Variants in ADARB1 observed in about 807,000 individuals in gnomAD.
The protein encoded by ADARB1 is adenosine deaminase RNA specific B1.
In ADARB1, 10 loss-of-function variants were observed where a neutral mutation model predicts 52.4. The ratio of observed to expected loss-of-function variants is 0.19; its 90% confidence interval spans 0.12 to 0.32. The LOEUF (loss-of-function observed/expected upper bound fraction) is 0.32. Ranked by LOEUF, ADARB1 falls within the 10% of genes least tolerant of loss-of-function variation. The pLI is 1.00. For missense variants in ADARB1, 643 were observed against 922.3 expected (o/e 0.70, Z 3.92); for synonymous variants, 349 against 371.1 (o/e 0.94, Z 0.68).
intron 2 of ADARB1, among the ~76,000 whole-genome samples, chr21:45,148,102 G>A (rs1427929468): frequency 1.3e-5 from 2 of 152,176 alleles, no homozygotes; most frequent in Non-Finnish European, 2.9e-5. Context: ...CTGTGAGAAC[G>A]GAGGCTCTGC....
chr21:45,085,818 G>C (rs370300372), intron 1 of ADARB1, among the ~76,000 whole-genome samples: 1 of 152,196 alleles, frequency 6.6e-6, no homozygotes, highest in Non-Finnish European at 1.5e-5. Context: ...ACACAGAAAA[G>C]GCTGGTGTCA....
chr21:45,222,481 G>C lies in ADARB1; in HGVS notation c.*284G>C, dbSNP rs1477013732. ...CCGTCCAGTGACTGCTTTCAATCTC[G>C]GTTTACGTTTAGAAATTGAGTTCTA... is the stretch of plus-strand genomic sequence containing the variant. On this transcript the variant is annotated 3_prime_UTR_variant, in exon 11 of 11. Coordinates refer to ENST00000348831, the MANE Select transcript of ADARB1 (RefSeq NM_001112.4). 6.7e-6 allele frequency: 8 copies of C among 1,198,340 alleles called. No homozygotes were observed. Among genetic ancestry groups the C allele is most frequent in the Non-Finnish European group, 8.3e-6 (8 of 966,128 alleles). The allele number at this position is 1,198,340 out of a possible 1,614,324, so 74.2% of individuals were successfully genotyped here. A position where few individuals can be genotyped will look rare whatever the true frequency, so the allele number is the denominator to read the frequency against.
intron 8 of ADARB1, among the ~76,000 whole-genome samples, chr21:45,187,094 CTA>C (rs1167481591): frequency 6.6e-6 from 1 of 152,122 alleles, no homozygotes; most frequent in Non-Finnish European, 1.5e-5. Context: ...TATGTTGACT[CTA>C]TAGATTGCTT....
At chr21:45,138,452 T>C (rs999969649) in intron 2 of ADARB1, among the ~76,000 whole-genome samples, 57 of 152,338 alleles carry the variant, frequency 3.7e-4, no homozygotes, top group African/African-American at 1.3e-3. Flanking sequence ...TGAGTATCGC[T>C]GCAGTACAGC....
At chr21:45,102,134 C>T (rs1319877592) in intron 1 of ADARB1, among the ~76,000 whole-genome samples, 1 of 152,166 alleles carries the variant, frequency 6.6e-6, no homozygotes, top group Non-Finnish European at 1.5e-5. Context: ...TCAAGCGATC[C>T]TCCCTCTTCG....
intron 8 of ADARB1, among the ~76,000 whole-genome samples, chr21:45,191,874 ATATATATTTTTTTTTTTTTTTT>A (rs1301781004): frequency 4.5e-5 from 1 of 22,020 alleles, no homozygotes; most frequent in African/African-American, 2.1e-4. Flanking sequence ...ATATATATAT[ATATATATTTTTTTTTTTTTTTT>A]TTTTTTTTTT....
At chr21:45,115,003 G>A (rs758105556) in intron 1 of ADARB1, among the ~76,000 whole-genome samples, 12 of 152,196 alleles carry the variant, frequency 7.9e-5, no homozygotes, top group Non-Finnish European at 1.6e-4. Context: ...TGAAACAACA[G>A]CAAAGTGGCA....
rs998197558 is a variant in ADARB1 at position 45,224,127 on chromosome 21, T to A, written c.*1930T>A. 5 of 985,338 alleles carry A rather than the reference T, an allele frequency of 5.1e-6. No homozygotes were observed. The African/African-American group carries it at 8.7e-5, about 17-fold the overall frequency. The allele number at this position is 985,338 out of a possible 1,614,324, so 61.0% of individuals were successfully genotyped here. A position where few individuals can be genotyped will look rare whatever the true frequency, so the allele number is the denominator to read the frequency against. On this transcript the variant is annotated 3_prime_UTR_variant, in exon 11 of 11. Coordinates refer to ENST00000348831, the MANE Select transcript of ADARB1 (RefSeq NM_001112.4). ...AAACACCTTGTAAGTCTGTGCATTTTTATTGTCTTGATAAATTGTATTTTT... is the reference window on the plus strand; with the variant it reads ...AAACACCTTGTAAGTCTGTGCATTTATATTGTCTTGATAAATTGTATTTTT...
rs1047203074 is a variant in ADARB1 at position 45,224,418 on chromosome 21, C to G, written c.*2221C>G. On this transcript the variant is annotated 3_prime_UTR_variant, in exon 11 of 11. Coordinates refer to ENST00000348831, the MANE Select transcript of ADARB1 (RefSeq NM_001112.4). ...GGGTGGACTCGTGCGGCCTTGAGGACAGGCACAGGGCACCCTATCCCAAGC... is the reference window on the plus strand; with the variant it reads ...GGGTGGACTCGTGCGGCCTTGAGGAGAGGCACAGGGCACCCTATCCCAAGC... The G allele has an allele frequency of 1.1e-6, 1 of 911,996 alleles. No individual in the cohort carries two copies. Among genetic ancestry groups the G allele is most frequent in the African/African-American group, 2.8e-5 (1 of 36,192 alleles). The allele number at this position is 911,996 out of a possible 1,614,324, so 56.5% of individuals were successfully genotyped here.
In ADARB1 at chr21:45,222,785, A is replaced by T. The variant is rs989265315; in HGVS notation, c.*588A>T. The T allele has an allele frequency of 7.1e-6, 7 of 985,488 alleles. No homozygotes were observed. The highest frequency in any genetic ancestry group is 6.1e-5 in the Admixed American group (1 of 16,286). The allele number at this position is 985,488 out of a possible 1,614,324, so 61.0% of individuals were successfully genotyped here. ...GGTACCTCCCTGGGTAGTTCCACACACTAGGTTGTAACAGTCTCTCCCTGA... is the reference window on the plus strand; with the variant it reads ...GGTACCTCCCTGGGTAGTTCCACACTCTAGGTTGTAACAGTCTCTCCCTGA... On this transcript the variant is annotated 3_prime_UTR_variant, in exon 11 of 11. Coordinates refer to ENST00000348831, the MANE Select transcript of ADARB1 (RefSeq NM_001112.4).
At position 45,079,032 on chromosome 21, in the gene ADARB1, C is replaced by T. The variant is rs369439122; in HGVS notation, c.-220+4239C>T. Reference sequence around the variant, plus strand: ...CCTTACTGCAGCTTGCTTTTTGCACCTCCACTACTGCAGACTGGAGGAGGA... The same window carrying T: ...CCTTACTGCAGCTTGCTTTTTGCACTTCCACTACTGCAGACTGGAGGAGGA... On this transcript the variant is annotated intron_variant, in intron 1 of 10. Transcript: ENST00000348831. 2.0e-5 allele frequency among the ~76,000 whole-genome samples: 3 copies of T among 152,120 alleles called. No homozygotes were observed. The East Asian group carries it at 5.8e-4, about 29-fold the overall frequency.
At chr21:45,161,075 A>G (rs926303518) in intron 2 of ADARB1, among the ~76,000 whole-genome samples, 40 of 152,198 alleles carry the variant, frequency 2.6e-4, no homozygotes, top group African/African-American at 9.4e-4. Flanking sequence ...GTTTTAGTCA[A>G]TATCAGTTTT....
chr21:45,131,482 G>A (rs1375396988), intron 2 of ADARB1, among the ~76,000 whole-genome samples: 3 of 152,194 alleles, frequency 2.0e-5, no homozygotes, highest in African/African-American at 4.8e-5. Flanking sequence ...CACCTGCATG[G>A]AAGTCCTTTT....
chr21:45,156,107 T>TCATC (rs2090586334), intron 2 of ADARB1, among the ~76,000 whole-genome samples: 1 of 131,634 alleles, frequency 7.6e-6, no homozygotes, highest in African/African-American at 3.0e-5. Flanking sequence ...CATCATCCAT[T>TCATC]CATCCATCCA....
At chr21:45,155,492 A>G (rs2090510331) in intron 2 of ADARB1, among the ~76,000 whole-genome samples, 1 of 152,060 alleles carries the variant, frequency 6.6e-6, no homozygotes, top group Non-Finnish European at 1.5e-5. Flanking sequence ...CCACCCATCC[A>G]TATACCAGTC....
intron 2 of ADARB1, among the ~76,000 whole-genome samples, chr21:45,156,047 CCACCCACCAT>C (rs1179476172): frequency 6.6e-6 from 1 of 150,734 alleles, no homozygotes; most frequent in African/African-American, 2.4e-5. Flanking sequence ...ACCCACCCAA[CCACCCACCAT>C]CACCCATCAT....
In ADARB1 at chr21:45,204,373, A is replaced by T. The variant is rs990129643; in HGVS notation, c.1566-182A>T. Among the ~76,000 whole-genome samples the T allele has an allele frequency of 6.6e-6, 1 of 152,166 alleles. No individual in the cohort carries two copies. Among genetic ancestry groups the T allele is most frequent in the Non-Finnish European group, 1.5e-5 (1 of 68,034 alleles). On this transcript the variant is annotated intron_variant, in intron 8 of 10. Transcript: ENST00000348831. The surrounding 1 kb of genome is among the most constrained non-coding windows in gnomAD (Gnocchi z 4.4). ...ACAGTGTAAAATAACTTTTAAGTAG[A>T]TTTTTGTCTTTGTGATCGTAAGCTG... is the stretch of plus-strand genomic sequence containing the variant.
intron 1 of ADARB1, among the ~76,000 whole-genome samples, chr21:45,096,272 G>A (rs1460853613): frequency 6.6e-6 from 1 of 152,248 alleles, no homozygotes; most frequent in Non-Finnish European, 1.5e-5. Flanking sequence ...CTGCAGGAAA[G>A]AGTGCGTGAG....
intron 2 of ADARB1, among the ~76,000 whole-genome samples, chr21:45,154,390 A>G (rs1184796326): frequency 6.6e-6 from 1 of 152,224 alleles, no homozygotes; most frequent in East Asian, 1.9e-4. Context: ...GAAATTATCG[A>G]TATTATTAAG....
Sources: gnomAD v4.1 joint callset for allele counts (sites outside exome capture counted in the v4.1 genomes callset) on GRCh38, gnomAD v4.1.1 for gene constraint, Gnocchi (gnomAD v3.1) non-coding constraint, MANE v1.5 for transcripts, NCBI Gene and HGNC (gene_info 2026-07-23, HGNC 2026-07-21) for gene names.